The following KLHL1 variants were observed in gnomAD, a reference collection of about 807,000 sequenced individuals.
KLHL1 encodes the protein kelch like family member 1, also known as kelch-like protein 1.
A neutral mutation model predicts 77.7 loss-of-function variants in KLHL1; 47 were observed. The observed-to-expected ratio is 0.60, with a 90% confidence interval of 0.48 to 0.77. The LOEUF (loss-of-function observed/expected upper bound fraction) is 0.77, where lower values mean the gene tolerates loss of function less well. Among genes scored for constraint, KLHL1 ranks in the 30% least tolerant of loss-of-function variants. KLHL1 has a pLI of 0.00. For missense variants in KLHL1, 925 were observed against 910.8 expected, an observed-to-expected ratio of 1.02 and a Z score of -0.20; for synonymous variants, 360 against 325.2, an observed-to-expected ratio of 1.11 and a Z score of -1.15.
chr13:69,713,705 TA>T (rs754783194), intron 9 of KLHL1, among the ~76,000 whole-genome samples: 82 of 149,962 alleles, frequency 5.5e-4, no homozygotes, highest in Admixed American at 2.0e-3. Context: ...GAAATGAGAA[TA>T]TTTTTTTTTC....
At position 69,958,260 on chromosome 13, in the gene KLHL1, A is replaced by T. The variant is rs142081460; in HGVS notation, c.817+3048T>A. Among the ~76,000 whole-genome samples, 143 of 151,678 alleles carry T rather than the reference A, an allele frequency of 9.4e-4. 5 individuals carry two copies. In the South Asian group the frequency reaches 0.019, roughly 21 times the overall value. On this transcript the variant is annotated intron_variant, in intron 3 of 10. Transcript: ENST00000377844. The stretch of plus-strand genomic sequence containing the variant: ...ACCAAATAATAATAATAATAATAAT[A>T]ATGTAAGTCTACATGTTTGCTTTAG...
At chr13:69,946,046 C>A (rs1048894269) in intron 3 of KLHL1, among the ~76,000 whole-genome samples, 2 of 151,876 alleles carry the variant, frequency 1.3e-5, no homozygotes, top group Non-Finnish European at 2.9e-5. Context: ...ATGTTGAGTG[C>A]AAGATAATTA....
At chr13:70,087,459 A>T (rs1887571649) in intron 1 of KLHL1, among the ~76,000 whole-genome samples, 2 of 152,020 alleles carry the variant, frequency 1.3e-5, no homozygotes, top group Non-Finnish European at 2.9e-5. Flanking sequence ...ACAATGCCTG[A>T]AGGATTAACA....
intron 3 of KLHL1, among the ~76,000 whole-genome samples, chr13:69,957,748 C>G (rs929345978): frequency 4.6e-5 from 7 of 151,812 alleles, no homozygotes; most frequent in African/African-American, 1.7e-4. Flanking sequence ...ATAACACACT[C>G]TCTTTACAAA....
chr13:69,935,306 T>C (rs1883152719), intron 4 of KLHL1, among the ~76,000 whole-genome samples: 1 of 152,086 alleles, frequency 6.6e-6, no homozygotes, highest in African/African-American at 2.4e-5. Flanking sequence ...CACTATACCT[T>C]CATTTATTCA....
chr13:70,087,783 T>C (rs1387989365), intron 1 of KLHL1, among the ~76,000 whole-genome samples: 1 of 152,110 alleles, frequency 6.6e-6, no homozygotes, highest in African/African-American at 2.4e-5. Context: ...TGAGAAGATG[T>C]GGGAACTACA....
At chr13:69,914,282 A>C (rs1422982376) in intron 4 of KLHL1, among the ~76,000 whole-genome samples, 1 of 152,048 alleles carries the variant, frequency 6.6e-6, no homozygotes, top group Non-Finnish European at 1.5e-5. Context: ...CACATTATAC[A>C]TTTCTACTGG....
At chr13:69,860,394 A>G (rs1880096954) in intron 5 of KLHL1, among the ~76,000 whole-genome samples, 1 of 152,016 alleles carries the variant, frequency 6.6e-6, no homozygotes, top group South Asian at 2.1e-4. Context: ...TGTTAGTGGC[A>G]TTGTAAGATA....
intron 3 of KLHL1, among the ~76,000 whole-genome samples, chr13:69,945,990 TAATAAA>T (rs1164748552): frequency 6.6e-6 from 1 of 152,170 alleles, no homozygotes; most frequent in African/African-American, 2.4e-5. Context: ...TACTTCATAA[TAATAAA>T]AATAAAATAA....
intron 4 of KLHL1, among the ~76,000 whole-genome samples, chr13:69,899,787 T>C (rs550659409): frequency 3.8e-4 from 58 of 152,210 alleles, no homozygotes; most frequent in African/African-American, 1.3e-3. Flanking sequence ...CAAAGAATCT[T>C]TCTTGAGTGC....
intron 4 of KLHL1, among the ~76,000 whole-genome samples, chr13:69,905,499 A>G (rs1882015887): frequency 6.6e-6 from 1 of 151,748 alleles, no homozygotes; most frequent in Non-Finnish European, 1.5e-5. Flanking sequence ...TTATTGATCA[A>G]CTCCATGATA....
At chr13:69,850,998 T>TCC (rs1166261203) in intron 5 of KLHL1, among the ~76,000 whole-genome samples, 1 of 151,720 alleles carries the variant, frequency 6.6e-6, no homozygotes, top group East Asian at 1.9e-4. Flanking sequence ...TAAACAAGTC[T>TCC]CCACTGGACT....
chr13:70,093,040 T>C (rs12869055), intron 1 of KLHL1, among the ~76,000 whole-genome samples: 3 of 152,170 alleles, frequency 2.0e-5, no homozygotes, highest in African/African-American at 4.8e-5. Context: ...TTTAAAGACA[T>C]TGAATAACAT....
Position 69,999,104 on chromosome 13 carries a change from C to T in KLHL1, c.498-23302G>A, listed in dbSNP as rs565073051. Among the ~76,000 whole-genome samples, 8 of 152,052 alleles carry T rather than the reference C, an allele frequency of 5.3e-5. No homozygotes were observed. In the East Asian group the frequency reaches 1.2e-3, roughly 22 times the overall value. On this transcript the variant is annotated intron_variant, in intron 1 of 10. Coordinates refer to ENST00000377844, the MANE Select transcript of KLHL1 (RefSeq NM_020866.3). ...ATCTAATAACAGGATATATTATCTA[C>T]ATGTATTATGTAATGTAACATATGT...
chr13:69,883,031 C>A (rs748276194), intron 4 of KLHL1, among the ~76,000 whole-genome samples: 33 of 152,092 alleles, frequency 2.2e-4, no homozygotes, highest in Non-Finnish European at 4.1e-4. Flanking sequence ...CCTCTCATGA[C>A]AATTTCTTTG....
At chr13:70,054,036 G>A (rs1356780738) in intron 1 of KLHL1, among the ~76,000 whole-genome samples, 2 of 152,042 alleles carry the variant, frequency 1.3e-5, no homozygotes, top group Non-Finnish European at 2.9e-5. Flanking sequence ...AAAAATGTGA[G>A]TATTAAAAAC....
intron 7 of KLHL1, among the ~76,000 whole-genome samples, chr13:69,752,741 A>T (rs2137950942): frequency 6.6e-6 from 1 of 152,298 alleles, no homozygotes; most frequent in Non-Finnish European, 1.5e-5. Context: ...CCATAGATGC[A>T]AGTCATTTTA....
chr13:69,930,907 A>G (rs914111618), intron 4 of KLHL1, among the ~76,000 whole-genome samples: 2 of 151,634 alleles, frequency 1.3e-5, no homozygotes, highest in African/African-American at 4.8e-5. Flanking sequence ...ATCAGTGACT[A>G]CATATAAAAA....
intron 1 of KLHL1, among the ~76,000 whole-genome samples, chr13:69,978,991 A>C (rs1157896249): frequency 6.6e-6 from 1 of 152,112 alleles, no homozygotes; most frequent in Non-Finnish European, 1.5e-5. Context: ...TGGGGGTCAT[A>C]GTATTTGAAA....
Sources: gnomAD v4.1 joint callset for allele counts (sites outside exome capture counted in the v4.1 genomes callset) on GRCh38, gnomAD v4.1.1 for gene constraint, MANE v1.5 for transcripts, NCBI Gene and HGNC (gene_info 2026-07-23, HGNC 2026-07-21) for gene names.